Variants in FHIT observed in about 807,000 individuals in gnomAD.
The protein encoded by FHIT is bis(5'-adenosyl)-triphosphatase.
Under a neutral mutation model 17.9 loss-of-function variants are expected in FHIT, and 19 were observed. That is an observed-to-expected ratio of 1.06 (90% CI 0.74 to 1.56). The LOEUF (loss-of-function observed/expected upper bound fraction) is 1.56. Among genes scored for constraint, FHIT ranks in the 40% most tolerant of loss-of-function variants. The pLI is 0.00. For synonymous variants in FHIT, 81 were observed against 69.7 expected (o/e 1.16, Z -0.81); for missense variants, 248 against 189.2 (o/e 1.31, Z -1.82).
intron 7 of FHIT, among the ~76,000 whole-genome samples, chr3:59,925,273 T>A (rs2107204301): frequency 6.6e-6 from 1 of 152,118 alleles, no homozygotes; most frequent in East Asian, 1.9e-4. Context: ...CAAGCTAACT[T>A]TTTTTCATAT....
At chr3:60,494,667 ACCTC>A (rs2034219743) in intron 5 of FHIT, among the ~76,000 whole-genome samples, 1 of 151,996 alleles carries the variant, frequency 6.6e-6, no homozygotes, top group Non-Finnish European at 1.5e-5. Flanking sequence ...TCTACTTACT[ACCTC>A]TATTAGTTGA....
chr3:61,134,085 T>A (rs2036840307), intron 2 of FHIT, among the ~76,000 whole-genome samples: 1 of 48,080 alleles, frequency 2.1e-5, no homozygotes, highest in Non-Finnish European at 4.8e-5. Flanking sequence ...TGAGACTCTG[T>A]CTCACACACA....
chr3:60,632,481 C>T (rs371563702), intron 4 of FHIT, among the ~76,000 whole-genome samples: 10 of 152,118 alleles, frequency 6.6e-5, no homozygotes, highest in African/African-American at 1.7e-4. Flanking sequence ...TAGGAGAGCG[C>T]GTCTTCTCCA....
At chr3:61,216,428 T>C (rs1413349075) in intron 1 of FHIT, among the ~76,000 whole-genome samples, 1 of 152,028 alleles carries the variant, frequency 6.6e-6, no homozygotes, top group Non-Finnish European at 1.5e-5. Context: ...GAAATGCAAA[T>C]CAAAACCACA....
At chr3:60,759,902 T>C (rs7434129) in intron 4 of FHIT, among the ~76,000 whole-genome samples, 18,251 of 152,066 alleles carry the variant, frequency 0.12, 1,177 homozygotes, top group Middle Eastern at 0.22. Flanking sequence ...TTATGCAGGC[T>C]TCTTTCTTTT....
intron 3 of FHIT, among the ~76,000 whole-genome samples, chr3:60,826,134 G>C (rs1404881185): frequency 6.7e-6 from 1 of 148,472 alleles, no homozygotes; most frequent in Admixed American, 6.8e-5. Flanking sequence ...GGAGGAAAGG[G>C]AGGGAGGGAT....
intron 3 of FHIT, among the ~76,000 whole-genome samples, chr3:61,029,569 T>A (rs1399901116): frequency 6.6e-6 from 1 of 152,130 alleles, no homozygotes; most frequent in Non-Finnish European, 1.5e-5. Context: ...GGACTGCAAG[T>A]CAGGCAGGCA....
At chr3:61,136,220 C>G (rs895309094) in intron 2 of FHIT, among the ~76,000 whole-genome samples, 4 of 151,938 alleles carry the variant, frequency 2.6e-5, no homozygotes, top group Non-Finnish European at 5.9e-5. Flanking sequence ...ACCGTCACCA[C>G]GCCCCCACCC....
At chr3:60,248,916 T>C (rs1336171925) in intron 5 of FHIT, among the ~76,000 whole-genome samples, 1 of 152,182 alleles carries the variant, frequency 6.6e-6, no homozygotes, top group Non-Finnish European at 1.5e-5. Context: ...AGGTGAGACC[T>C]GGAGAATGCT....
intron 4 of FHIT, among the ~76,000 whole-genome samples, chr3:60,674,087 A>G (rs575025774): frequency 3.5e-4 from 53 of 151,794 alleles, no homozygotes; most frequent in African/African-American, 1.1e-3. Flanking sequence ...AGATTCATAT[A>G]TTTTTTCTAT....
chr3:60,001,850 G>A (rs1559538506), intron 7 of FHIT, among the ~76,000 whole-genome samples: 4 of 152,102 alleles, frequency 2.6e-5, no homozygotes, highest in South Asian at 2.1e-4. Flanking sequence ...ACCTGATTAC[G>A]TCTGGGAATT....
rs903521388 is a variant in FHIT, at chr3:60,307,650, G to T, written c.103+229210C>A. ...GGGCAAATATTTTATGAGCTACATT[G>T]CATTGTTGTTTTGTTCCCAGGAAAA... is the stretch of plus-strand genomic sequence containing the variant. On this transcript the variant is annotated intron_variant, in intron 5 of 9. Coordinates refer to ENST00000492590, the MANE Select transcript of FHIT (RefSeq NM_002012.4). 3.9e-5 allele frequency among the ~76,000 whole-genome samples: 6 copies of T among 152,224 alleles called. No homozygotes were observed. In the South Asian group the frequency reaches 1.2e-3, roughly 32 times the overall value.
At chr3:60,159,623 T>C (rs1559686305) in intron 5 of FHIT, among the ~76,000 whole-genome samples, 1 of 152,218 alleles carries the variant, frequency 6.6e-6, no homozygotes, top group Non-Finnish European at 1.5e-5. Flanking sequence ...TTTTTAGCAC[T>C]TTCCACACAC....
intron 8 of FHIT, among the ~76,000 whole-genome samples, chr3:59,878,473 C>G (rs532239047): frequency 2.2e-4 from 34 of 152,270 alleles, no homozygotes; most frequent in African/African-American, 6.7e-4. Flanking sequence ...GCACTGAGAA[C>G]TATTATTTTC....
At chr3:60,620,497 T>C (rs1237986809) in intron 4 of FHIT, among the ~76,000 whole-genome samples, 1 of 151,596 alleles carries the variant, frequency 6.6e-6, no homozygotes, top group East Asian at 1.9e-4. Context: ...CAGAAAGACA[T>C]GGAGTTACTT....
chr3:60,625,799 A>G (rs183268534), intron 4 of FHIT, among the ~76,000 whole-genome samples: 23 of 152,288 alleles, frequency 1.5e-4, no homozygotes, highest in Admixed American at 1.1e-3. Flanking sequence ...TTAAGACATC[A>G]TATCTAAAAT....
intron 5 of FHIT, among the ~76,000 whole-genome samples, chr3:60,338,326 A>G (rs1263614010): frequency 6.6e-6 from 1 of 152,164 alleles, no homozygotes; most frequent in Non-Finnish European, 1.5e-5. Context: ...CAAAAACTCT[A>G]TTCCTGTAAA....
At chr3:60,612,055 C>T (rs551654667) in intron 4 of FHIT, among the ~76,000 whole-genome samples, 2 of 152,270 alleles carry the variant, frequency 1.3e-5, no homozygotes, top group South Asian at 4.2e-4. Flanking sequence ...TGCTCAATCA[C>T]TGAACTGGCC....
At chr3:60,680,830 C>G (rs2040729587) in intron 4 of FHIT, among the ~76,000 whole-genome samples, 1 of 152,158 alleles carries the variant, frequency 6.6e-6, no homozygotes, top group Non-Finnish European at 1.5e-5. Context: ...GCACATTTCC[C>G]AGTGCCTTCC....
Sources: gnomAD v4.1 joint callset for allele counts (sites outside exome capture counted in the v4.1 genomes callset) on GRCh38, gnomAD v4.1.1 for gene constraint, MANE v1.5 for transcripts, NCBI Gene and HGNC (gene_info 2026-07-23, HGNC 2026-07-21) for gene names.